TENM3: variants seen among roughly 807,000 people sequenced by gnomAD.
TENM3 encodes teneurin transmembrane protein 3.
TENM3 carries 63 observed loss-of-function variants against 255.1 expected under a neutral mutation model. The ratio of observed to expected loss-of-function variants is 0.25; its 90% CI spans 0.20 to 0.30. The LOEUF (loss-of-function observed/expected upper bound fraction) is 0.30, where lower values mean the gene tolerates loss of function less well. Ranked by LOEUF, TENM3 falls within the 10% of genes least tolerant of loss-of-function variation. The pLI is 1.00. For missense variants in TENM3, 2,929 were observed against 3,461.1 expected, an observed-to-expected ratio of 0.85 and a Z score of 3.86; for synonymous variants, 1,306 against 1,322.3, an observed-to-expected ratio of 0.99 and a Z score of 0.27.
chr4:181,468,401 A>C, the TENM3 span, among the ~76,000 whole-genome samples: 1 of 152,188 alleles, frequency 6.6e-6, no homozygotes, highest in East Asian at 1.9e-4. Context: ...AGTTATTGCA[A>C]ATGTGCTTCA....
intron 3 of TENM3, among the ~76,000 whole-genome samples, chr4:182,360,306 A>T (rs1765870326): frequency 7.7e-6 from 1 of 130,066 alleles, no homozygotes; most frequent in Admixed American, 8.2e-5. Flanking sequence ...GATCTGTCTA[A>T]TGTTGACAGT....
the TENM3 span, among the ~76,000 whole-genome samples, chr4:182,043,510 G>T: frequency 6.6e-6 from 1 of 152,146 alleles, no homozygotes; most frequent in Admixed American, 6.6e-5. Context: ...TTGCTCTGCT[G>T]ATATTTTCCT....
chr4:182,117,515 A>G, the TENM3 span, among the ~76,000 whole-genome samples: 5 of 152,078 alleles, frequency 3.3e-5, no homozygotes, highest in Non-Finnish European at 5.9e-5. Context: ...ATTTTTTTGT[A>G]TGTGGATGTC....
the TENM3 span, chr4:181,820,411 A>C: frequency 1.3e-5 from 2 of 152,298 alleles, no homozygotes; most frequent in Admixed American, 6.5e-5. Context: ...TAGATTAAGT[A>C]CAAGAAACTT....
the TENM3 span, among the ~76,000 whole-genome samples, chr4:182,075,063 C>G: frequency 6.6e-6 from 1 of 152,148 alleles, no homozygotes; most frequent in East Asian, 1.9e-4. Context: ...AACTCCACAC[C>G]GCATGGCTCA....
At chr4:181,674,228 G>C in the TENM3 span, among the ~76,000 whole-genome samples, 2 of 152,114 alleles carry the variant, frequency 1.3e-5, no homozygotes, top group Non-Finnish European at 2.9e-5. Flanking sequence ...GAACTGCTGA[G>C]CTCAAGTAAT....
At chr4:182,313,659 T>C (rs1762578139) in intron 1 of TENM3, among the ~76,000 whole-genome samples, 1 of 137,426 alleles carries the variant, frequency 7.3e-6, no homozygotes, top group South Asian at 2.2e-4. Context: ...TTAATACATA[T>C]TTTAAATGAA....
the TENM3 span, among the ~76,000 whole-genome samples, chr4:181,486,469 A>G: frequency 8.5e-5 from 13 of 152,356 alleles, no homozygotes; most frequent in East Asian, 2.5e-3. Context: ...GTATATGATC[A>G]TACTGAAGCA....
chr4:181,696,313 C>T, the TENM3 span, among the ~76,000 whole-genome samples: 4 of 152,040 alleles, frequency 2.6e-5, no homozygotes, highest in African/African-American at 2.4e-5. Flanking sequence ...GCTGCCCTAC[C>T]GCCCCTCTCT....
At chr4:182,042,005 A>G in the TENM3 span, among the ~76,000 whole-genome samples, 258 of 152,294 alleles carry the variant, frequency 1.7e-3, no homozygotes, top group African/African-American at 5.7e-3. Context: ...GAATCTCTGC[A>G]TTTTGACTAG....
the TENM3 span, among the ~76,000 whole-genome samples, chr4:181,688,668 A>G: frequency 1.0e-2 from 1,519 of 152,286 alleles, 21 homozygotes; most frequent in African/African-American, 0.034. Context: ...GGTAAAATGG[A>G]CAATGGGAAA....
At chr4:182,514,693 C>T (rs1737757061) in intron 3 of TENM3, among the ~76,000 whole-genome samples, 2 of 151,880 alleles carry the variant, frequency 1.3e-5, no homozygotes, top group Admixed American at 1.3e-4. Context: ...AAATTGAGTT[C>T]ATGAACTACT....
intron 18 of TENM3, among the ~76,000 whole-genome samples, chr4:182,740,578 T>C (rs1035380092): frequency 3.3e-5 from 5 of 152,166 alleles, no homozygotes; most frequent in Non-Finnish European, 7.3e-5. Flanking sequence ...GAGTATAGGG[T>C]AAAGTTCATA....
Position 182,695,399 on chromosome 4 carries a change from C to G in TENM3, c.2221+7048C>G, listed in dbSNP as rs147043920. ...GCAAATCAGCTGACTTCTGACCCTT[C>G]ACACTCCAACATCCTCTCCACCACA... On this transcript the variant is annotated intron_variant, in intron 12 of 27. Transcript: ENST00000511685. 3.5e-4 allele frequency among the ~76,000 whole-genome samples: 54 copies of G among 152,322 alleles called. 1 individual carries two copies. Among genetic ancestry groups the G allele is most frequent in the Non-Finnish European group, 5.9e-4 (40 of 68,032 alleles).
chr4:181,495,271 C>A, the TENM3 span, among the ~76,000 whole-genome samples: 1 of 152,114 alleles, frequency 6.6e-6, no homozygotes, highest in Non-Finnish European at 1.5e-5. Context: ...CTAAAGGAGT[C>A]ATAGGAGTTA....
At chr4:182,411,445 A>G (rs1297378680) in intron 3 of TENM3, among the ~76,000 whole-genome samples, 3 of 152,134 alleles carry the variant, frequency 2.0e-5, no homozygotes, top group Non-Finnish European at 2.9e-5. Context: ...CTTTACAAAG[A>G]GGAGGTTCTG....
chr4:181,565,526 C>T, the TENM3 span, among the ~76,000 whole-genome samples: 2 of 152,032 alleles, frequency 1.3e-5, no homozygotes, highest in East Asian at 3.9e-4. Flanking sequence ...AGTGCAATGG[C>T]GAAGTATGTG....
chr4:182,625,825 G>A (rs990683977), intron 4 of TENM3, among the ~76,000 whole-genome samples: 6 of 152,068 alleles, frequency 3.9e-5, no homozygotes, highest in South Asian at 4.1e-4. Context: ...CTGTTTCTAC[G>A]GGCTGCTGAG....
chr4:182,565,361 G>T (rs1446690023), intron 3 of TENM3, among the ~76,000 whole-genome samples: 2 of 152,192 alleles, frequency 1.3e-5, no homozygotes, highest in Non-Finnish European at 2.9e-5. Flanking sequence ...AATTATATGT[G>T]AATTTTAGTC....
Sources: allele counts gnomAD v4.1 joint callset (sites outside exome capture counted in the v4.1 genomes callset), GRCh38; gene constraint gnomAD v4.1.1; transcripts MANE v1.5; gene names NCBI Gene and HGNC (gene_info 2026-07-23, HGNC 2026-07-21).